The following TBC1D10A variants were observed in gnomAD, a reference collection of about 807,000 sequenced individuals.
TBC1D10A encodes TBC1 domain family member 10A.
Under a neutral mutation model 52.9 loss-of-function variants are expected in TBC1D10A, and 24 were observed. The observed-to-expected ratio is 0.45, with a 90% CI of 0.33 to 0.64. The LOEUF is 0.64. Among genes scored for constraint, TBC1D10A ranks in the 30% least tolerant of loss-of-function variants. TBC1D10A has a pLI of 0.02. For missense variants in TBC1D10A, 602 were observed against 687.9 expected (o/e 0.88, Z 1.40); for synonymous variants, 278 against 282.9 (o/e 0.98, Z 0.17).
intron 1 of TBC1D10A, among the ~76,000 whole-genome samples, chr22:30,317,434 A>C (rs953986261): frequency 4.6e-5 from 7 of 150,680 alleles, no homozygotes; most frequent in Middle Eastern, 3.2e-3. Flanking sequence ...AAAACAAAAC[A>C]AAACCAAGAT....
At chr22:30,310,901 G>GA (rs1227253309) in intron 1 of TBC1D10A, among the ~76,000 whole-genome samples, 1 of 152,138 alleles carries the variant, frequency 6.6e-6, no homozygotes, top group Non-Finnish European at 1.5e-5. Flanking sequence ...TCTGTGCCGA[G>GA]AAAGGCAGGG....
chr22:30,314,945 C>G (rs538207623), intron 1 of TBC1D10A, among the ~76,000 whole-genome samples: 1 of 152,328 alleles, frequency 6.6e-6, no homozygotes, highest in African/African-American at 2.4e-5. Flanking sequence ...ACAGAGGCCC[C>G]GGGCAGCACT....
intron 1 of TBC1D10A, among the ~76,000 whole-genome samples, chr22:30,313,869 G>C (rs1320959560): frequency 6.6e-6 from 1 of 152,046 alleles, no homozygotes; most frequent in African/African-American, 2.4e-5. Context: ...CCTGGTACCA[G>C]CTCTAGATCT....
chr22:30,300,710 T>C (rs1930185288), intron 2 of TBC1D10A: 1 of 152,152 alleles, frequency 6.6e-6, no homozygotes, highest in Admixed American at 6.5e-5. Flanking sequence ...TGGGAGCTGC[T>C]CAAATGGCTC....
chr22:30,295,472 C>T (rs1442953636), intron 4 of TBC1D10A, among the ~76,000 whole-genome samples: 2 of 152,226 alleles, frequency 1.3e-5, no homozygotes, highest in Non-Finnish European at 2.9e-5. Context: ...TTCCCTCTAT[C>T]CCTCTTTCTC....
Position 30,318,629 on chromosome 22 carries a change from G to A in TBC1D10A, c.209+8044C>T, listed in dbSNP as rs139576488. 2,675 of 471,142 alleles carry A rather than the reference G, an allele frequency of 5.7e-3. 20 individuals carry two copies. The highest frequency in any genetic ancestry group is 0.011 in the Middle Eastern group (34 of 3,078). The allele number at this position is 471,142 out of a possible 1,614,324, so 29.2% of individuals were successfully genotyped here. On this transcript the variant is annotated intron_variant, in intron 1 of 8. Transcript: ENST00000215790. ...AGAATGGACTCTGTAAGAGGCCAAA[G>A]CCACTTCAGCTAGTCCAGAGCCTTC...
rs1930794786 is a variant in TBC1D10A at position 30,326,915 on chromosome 22, C to T, written c.-34G>A. 2 of 1,439,778 alleles carry T rather than the reference C, an allele frequency of 1.4e-6. No individual in the cohort carries two copies. Among genetic ancestry groups the T allele is most frequent in the Non-Finnish European group, 1.8e-6 (2 of 1,100,270 alleles). The allele number at this position is 1,439,778 out of a possible 1,614,324, so 89.2% of individuals were successfully genotyped here. On this transcript the variant is annotated 5_prime_UTR_variant, in exon 1 of 9. Transcript: ENST00000215790. ...CGCCCGCCGCCTGAGCTCCAGCGGC[C>T]ACCTCAGCCGCCCTGCTGCCGCCGA...
chr22:30,309,472 C>T (rs1189241630), intron 1 of TBC1D10A, among the ~76,000 whole-genome samples: 3 of 152,198 alleles, frequency 2.0e-5, no homozygotes, highest in Non-Finnish European at 4.4e-5. Context: ...GATCCACCCG[C>T]CTCAGCCTCC....
At chr22:30,312,412 G>A (rs1382060212) in intron 1 of TBC1D10A, among the ~76,000 whole-genome samples, 2 of 152,190 alleles carry the variant, frequency 1.3e-5, no homozygotes, top group African/African-American at 4.8e-5. Flanking sequence ...CATCCCAGCT[G>A]CTCGGGAGAC....
At chr22:30,298,015 C>T (rs530109836) in intron 3 of TBC1D10A, 2 of 152,378 alleles carry the variant, frequency 1.3e-5, no homozygotes, top group African/African-American at 4.8e-5. Flanking sequence ...CCTCCTCACA[C>T]AAGCAACTTT....
rs370681310 is a variant in TBC1D10A at position 30,294,049 on chromosome 22, G to A, written c.767C>T (p.Ala256Val). ...FSLLQKVSPV[A>V]HKHLSRQKID... ...CTTCTGACGGCTGAGGTGCTTGTGG[G>A]CCACCGGCGACACCTTCTGCAACAG... Residue 256 changes from alanine to valine, a missense_variant, in exon 7 of 9, where the codon GCC (alanine) becomes GTC (valine). Ala to Val is a moderately conservative substitution (Grantham distance 64). Coordinates refer to ENST00000215790, the MANE Select transcript of TBC1D10A (RefSeq NM_031937.3). The A allele has an allele frequency of 1.1e-5, 17 of 1,613,970 alleles. No individual in the cohort carries two copies. Among genetic ancestry groups the A allele is most frequent in the Non-Finnish European group, 1.4e-5 (16 of 1,180,028 alleles).
intron 8 of TBC1D10A, chr22:30,293,332 T>C: frequency 1.6e-6 from 1 of 630,218 alleles, no homozygotes; most frequent in Non-Finnish European, 3.0e-6. Flanking sequence ...GAGAGACAAG[T>C]ATCCATAAAG....
At position 30,302,054 on chromosome 22, in the gene TBC1D10A, T is replaced by C. The variant is rs116910297; in HGVS notation, c.309+2477A>G. Among the ~76,000 whole-genome samples the C allele has an allele frequency of 1.6e-3, 247 of 152,272 alleles. 1 individual carries two copies. The highest frequency in any genetic ancestry group is 5.6e-3 in the African/African-American group (231 of 41,550). On this transcript the variant is annotated intron_variant, in intron 2 of 8. Transcript: ENST00000215790. The stretch of plus-strand genomic sequence containing the variant: ...CACATCATCACAGCCCCCATCATAT[T>C]TGGCCTTCTCCAGGAGAGCCCTGGA...
At chr22:30,322,593 C>CTTTTTTTTTT in intron 1 of TBC1D10A, among the ~76,000 whole-genome samples, 1 of 24,874 alleles carries the variant, frequency 4.0e-5, no homozygotes, top group Non-Finnish European at 6.3e-5. Flanking sequence ...TCACTTTCAG[C>CTTTTTTTTTT]TTTTTTTTTT....
intron 1 of TBC1D10A, among the ~76,000 whole-genome samples, chr22:30,323,881 G>A (rs1272950279): frequency 6.6e-6 from 1 of 152,170 alleles, no homozygotes; most frequent in Non-Finnish European, 1.5e-5. Context: ...TGAGACAGGA[G>A]AATCACTTGA....
intron 3 of TBC1D10A, chr22:30,298,326 T>A (rs1215378111): frequency 6.6e-6 from 1 of 152,232 alleles, no homozygotes. Flanking sequence ...TGCTCCAGTG[T>A]GGCCTGGTAT....
Position 30,292,166 on chromosome 22 carries a change from G to T in TBC1D10A, c.*209C>A. On this transcript the variant is annotated 3_prime_UTR_variant, in exon 9 of 9. Transcript: ENST00000215790. Reference sequence around the variant, plus strand: ...GCTTCTGCCTGCCCTGGCTGGGCCAGCCTGAGTGCCACTGTAAAGAAAATA... The same window carrying T: ...GCTTCTGCCTGCCCTGGCTGGGCCATCCTGAGTGCCACTGTAAAGAAAATA... The T allele has an allele frequency of 2.0e-6, 1 of 494,730 alleles. No homozygotes were observed. The highest frequency in any genetic ancestry group is 3.5e-6 in the Non-Finnish European group (1 of 286,120). 30.6% of individuals were successfully genotyped at this position (494,730 alleles called of 1,614,324 possible). A position where few individuals can be genotyped will look rare whatever the true frequency, so the allele number is the denominator to read the frequency against.
chr22:30,320,147 C>T (rs552183782), intron 1 of TBC1D10A, among the ~76,000 whole-genome samples: 1 of 152,200 alleles, frequency 6.6e-6, no homozygotes, highest in Non-Finnish European at 1.5e-5. Flanking sequence ...AAGGCACAGA[C>T]TAGATATCAA....
Position 30,293,901 on chromosome 22 carries a change from C to T in TBC1D10A, c.895+20G>A, listed in dbSNP as rs754077121. 1.9e-6 allele frequency: 3 copies of T among 1,607,710 alleles called. No homozygotes were observed. Among genetic ancestry groups the T allele is most frequent in the African/African-American group, 2.7e-5 (2 of 74,838 alleles). On this transcript the variant is annotated intron_variant, in intron 7 of 8. Coordinates refer to ENST00000215790, the MANE Select transcript of TBC1D10A (RefSeq NM_031937.3). Reference sequence around the variant, plus strand: ...GGGCTGCTGGGGACAGGGGTGCTCCCCCCAAGCCCAGCCCAGTACCTTCAC... The same window carrying T: ...GGGCTGCTGGGGACAGGGGTGCTCCTCCCAAGCCCAGCCCAGTACCTTCAC...
Sources: gnomAD v4.1 joint callset for allele counts (sites outside exome capture counted in the v4.1 genomes callset) on GRCh38, gnomAD v4.1.1 for gene constraint, MANE v1.5 for transcripts, NCBI Gene and HGNC (gene_info 2026-07-23, HGNC 2026-07-21) for gene names.